The following IFT70A variants were observed in gnomAD, a reference collection of about 807,000 sequenced individuals.
IFT70A encodes intraflagellar transport protein 70A.
chr2:177,617,794 G>A, the IFT70A span: 3 of 1,614,142 alleles, frequency 1.9e-6, no homozygotes, highest in Non-Finnish European at 2.5e-6. Flanking sequence ...AAACCCTTCT[G>A]TAGGCCTGGC....
At chr2:177,618,274 TC>T in the IFT70A span, 19 of 1,613,978 alleles carry the variant, frequency 1.2e-5, no homozygotes, top group Non-Finnish European at 1.6e-5. Flanking sequence ...TTCTCCCCCT[TC>T]CCCACTCAGC....
At chr2:177,617,435 A>G in the IFT70A span, 1 of 1,609,556 alleles carries the variant, frequency 6.2e-7, no homozygotes, top group East Asian at 2.2e-5. Flanking sequence ...ACAGGAATGT[A>G]TTTCTCCATG....
At chr2:177,617,877 G>A in the IFT70A span, 1,348 of 1,614,192 alleles carry the variant, frequency 8.4e-4, 10 homozygotes, top group African/African-American at 0.015. Context: ...GTGGCATGTC[G>A]GTGAGGGTTT....
chr2:177,618,742 G>C, the IFT70A span: 1 of 1,496,116 alleles, frequency 6.7e-7, no homozygotes, highest in Non-Finnish European at 8.9e-7. Context: ...CACGGCAACA[G>C]GGCAACCGGG....
At chr2:177,617,607 C>T in the IFT70A span, 307 of 1,614,070 alleles carry the variant, frequency 1.9e-4, no homozygotes, top group Non-Finnish European at 2.5e-4. Flanking sequence ...GGCAAGTGAT[C>T]AGGGCATCTA....
At chr2:177,616,424 G>T in the IFT70A span, 25 of 260,170 alleles carry the variant, frequency 9.6e-5, no homozygotes, top group Non-Finnish European at 1.6e-4. Flanking sequence ...CTCTATCTGG[G>T]GTTACTTGCT....
chr2:177,617,005 C>G, the IFT70A span: 1 of 1,613,470 alleles, frequency 6.2e-7, no homozygotes, highest in South Asian at 1.1e-5. Flanking sequence ...TTTGATAACT[C>G]GAGAAATACC....
chr2:177,617,032 T>C, the IFT70A span: 13 of 1,613,490 alleles, frequency 8.1e-6, no homozygotes, highest in African/African-American at 4.0e-5. Context: ...ATAGTTTCCT[T>C]TGGCACAATA....
the IFT70A span, chr2:177,615,952 A>G: frequency 6.6e-6 from 1 of 152,172 alleles, no homozygotes; most frequent in Admixed American, 6.5e-5. Context: ...CACACTTAAT[A>G]TATGTCAGTA....
chr2:177,618,244 T>G, the IFT70A span: 1 of 1,614,232 alleles, frequency 6.2e-7, no homozygotes, highest in Non-Finnish European at 8.5e-7. Context: ...GCCATCGGTC[T>G]CATTGTCGCC....
the IFT70A span, chr2:177,616,984 G>T: frequency 6.2e-7 from 1 of 1,612,530 alleles, no homozygotes; most frequent in East Asian, 2.2e-5. Context: ...TTTATTATAA[G>T]GCTCCAAGCT....
the IFT70A span, chr2:177,616,668 GAAAGCCATTTTGAAA>G: frequency 3.4e-6 from 5 of 1,473,440 alleles, no homozygotes; most frequent in East Asian, 4.8e-5. Flanking sequence ...TGGTACGTAA[GAAAGCCATTTTGAAA>G]AAAGCCACTA....
At chr2:177,613,825 T>C in the IFT70A span, 5 of 152,224 alleles carry the variant, frequency 3.3e-5, no homozygotes, top group African/African-American at 9.6e-5. Flanking sequence ...GTCATTGATA[T>C]TGATGTGTTT....
the IFT70A span, chr2:177,617,871 C>T: frequency 1.9e-6 from 3 of 1,614,224 alleles, no homozygotes; most frequent in Non-Finnish European, 2.5e-6. Context: ...CCCTGGGTGG[C>T]ATGTCGGTGA....
the IFT70A span, chr2:177,617,373 C>T: frequency 6.3e-7 from 1 of 1,597,250 alleles, no homozygotes; most frequent in East Asian, 2.2e-5. Context: ...AGACCTTTTC[C>T]ACCATTGGAT....
the IFT70A span, chr2:177,615,621 T>C: frequency 6.6e-6 from 1 of 152,118 alleles, no homozygotes; most frequent in Admixed American, 6.5e-5. Context: ...CTAGAAAACA[T>C]TAATATAAAA....
At chr2:177,616,590 A>C in the IFT70A span, 1 of 1,017,540 alleles carries the variant, frequency 9.8e-7, no homozygotes, top group Non-Finnish European at 1.4e-6. Flanking sequence ...TTGTTCTTAC[A>C]AAGTGGATAA....
chr2:177,617,001 A>G, the IFT70A span: 8 of 1,613,466 alleles, frequency 5.0e-6, no homozygotes, highest in Middle Eastern at 1.7e-4. Context: ...AGCTTTTGAT[A>G]ACTCGAGAAA....
the IFT70A span, chr2:177,617,678 C>T: frequency 6.2e-7 from 1 of 1,614,196 alleles, no homozygotes; most frequent in Non-Finnish European, 8.5e-7. Context: ...TCTGCCAGGA[C>T]ATCTGCTGCC....
Sources: allele counts gnomAD v4.1 joint callset, GRCh38; gene constraint gnomAD v4.1.1; transcripts MANE v1.5; gene names NCBI Gene and HGNC (gene_info 2026-07-23, HGNC 2026-07-21).